Variants in CENPP observed in about 807,000 individuals in gnomAD.
CENPP encodes centromere protein P.
In CENPP, 24 loss-of-function variants were observed where a neutral mutation model predicts 35.6. The ratio of observed to expected loss-of-function variants is 0.67; its 90% CI spans 0.49 to 0.95. The LOEUF is 0.95. CENPP is among the 40% of genes least tolerant of loss of function. CENPP has a pLI of 0.00. For synonymous variants in CENPP, 120 were observed against 125.5 expected (o/e 0.96, Z 0.29); for missense variants, 332 against 345.3 (o/e 0.96, Z 0.31).
rs886641318 is a variant in CENPP, at chr9:92,619,763, C to T, written c.*6614C>T. On this transcript the variant is annotated 3_prime_UTR_variant, in exon 8 of 8. Transcript: ENST00000375587. ...GCACCTGGGCCAGCCCTCAGTGCCA[C>T]GGGGCTGCTCAGAGGCCAGCACCGC... The T allele has an allele frequency of 5.5e-5, 33 of 596,206 alleles. No individual in the cohort carries two copies. The highest frequency in any genetic ancestry group is 8.9e-4 in the Middle Eastern group (2 of 2,256). The allele number at this position is 596,206 out of a possible 1,614,324, so 36.9% of individuals were successfully genotyped here.
chr9:92,415,484 GAAAT>G, intron 5 of CENPP: 1 of 1,512,092 alleles, frequency 6.6e-7, no homozygotes, highest in South Asian at 1.3e-5. Flanking sequence ...ATCTCTGAAA[GAAAT>G]AAATTAAAAA....
At chr9:92,572,207 GT>G (rs1279905610) in intron 5 of CENPP, among the ~76,000 whole-genome samples, 3 of 152,138 alleles carry the variant, frequency 2.0e-5, no homozygotes, top group Non-Finnish European at 4.4e-5. Context: ...AATTTGGCAC[GT>G]TTTTGCAGTA....
chr9:92,516,581 A>T (rs1371460542), intron 5 of CENPP: 1 of 152,252 alleles, frequency 6.6e-6, no homozygotes, highest in Non-Finnish European at 1.5e-5. Context: ...AAAAGTTAGT[A>T]AAAGGAAACT....
intron 5 of CENPP, among the ~76,000 whole-genome samples, chr9:92,471,502 G>A (rs746983860): frequency 1.1e-4 from 16 of 151,720 alleles, no homozygotes; most frequent in Non-Finnish European, 1.8e-4. Context: ...GCCGGGTCTT[G>A]ATCATTTTAA....
At chr9:92,417,708 G>T in intron 5 of CENPP, 1 of 560,868 alleles carries the variant, frequency 1.8e-6, no homozygotes, top group Non-Finnish European at 2.9e-6. Context: ...AGAATGGGCA[G>T]TGCTCAAACC....
intron 5 of CENPP, among the ~76,000 whole-genome samples, chr9:92,568,331 C>T (rs1392250571): frequency 1.3e-5 from 2 of 152,052 alleles, no homozygotes; most frequent in Non-Finnish European, 2.9e-5. Flanking sequence ...TGAGAACATG[C>T]GGTGTTTGGT....
At chr9:92,505,564 A>T in intron 5 of CENPP, 2 of 1,606,000 alleles carry the variant, frequency 1.2e-6, no homozygotes, top group Non-Finnish European at 1.7e-6. Flanking sequence ...CTGCGGTATA[A>T]TTCTAAATTT....
At chr9:92,494,127 C>G in intron 5 of CENPP, 1 of 1,597,760 alleles carries the variant, frequency 6.3e-7, no homozygotes, top group Non-Finnish European at 8.5e-7. Context: ...GTCACTGTCT[C>G]TAGAACAGCA....
intron 5 of CENPP, among the ~76,000 whole-genome samples, chr9:92,518,147 G>T (rs1194575152): frequency 6.6e-6 from 1 of 152,148 alleles, no homozygotes; most frequent in Non-Finnish European, 1.5e-5. Context: ...TATCCATCAG[G>T]ATAGATTAAA....
At chr9:92,541,475 C>T (rs1310301576) in intron 5 of CENPP, among the ~76,000 whole-genome samples, 1 of 146,392 alleles carries the variant, frequency 6.8e-6, no homozygotes, top group East Asian at 2.2e-4. Context: ...ATTCCCCTGC[C>T]TCAGCCTCCC....
intron 4 of CENPP, among the ~76,000 whole-genome samples, chr9:92,372,883 A>G (rs1294759405): frequency 6.6e-6 from 1 of 152,012 alleles, no homozygotes; most frequent in Non-Finnish European, 1.5e-5. Context: ...TGCTCTTTAA[A>G]TATGACTTTA....
chr9:92,501,496 C>T (rs1846675307), intron 5 of CENPP, among the ~76,000 whole-genome samples: 1 of 152,184 alleles, frequency 6.6e-6, no homozygotes, highest in Non-Finnish European at 1.5e-5. Context: ...CCTTCCCCTA[C>T]ATTTTCATTC....
intron 5 of CENPP, among the ~76,000 whole-genome samples, chr9:92,396,094 CTTTCAGCACCGT>C (rs1842880779): frequency 6.6e-6 from 1 of 152,068 alleles, no homozygotes. Context: ...TTGTCTGGTT[CTTTCAGCACCGT>C]TTTTTAAAAG....
intron 5 of CENPP, among the ~76,000 whole-genome samples, chr9:92,453,204 T>C (rs931877077): frequency 6.6e-6 from 1 of 151,932 alleles, no homozygotes; most frequent in African/African-American, 2.4e-5. Flanking sequence ...GGTGTCAATT[T>C]TGGATCTTTC....
At chr9:92,492,777 T>C (rs112281696) in intron 5 of CENPP, among the ~76,000 whole-genome samples, 5 of 151,986 alleles carry the variant, frequency 3.3e-5, no homozygotes, top group Admixed American at 1.3e-4. Flanking sequence ...AGCCTCAGAG[T>C]CAGAAGATGC....
chr9:92,522,577 G>A, intron 5 of CENPP: 1 of 1,607,390 alleles, frequency 6.2e-7, no homozygotes. Context: ...TCTCTTACCT[G>A]GTAACACATT....
rs983039314 is a variant in CENPP at position 92,400,228 on chromosome 9, G to A, written c.564+20369G>A. 5.3e-5 allele frequency among the ~76,000 whole-genome samples: 8 copies of A among 152,188 alleles called. 1 individual carries two copies. Among genetic ancestry groups the A allele is most frequent in the Non-Finnish European group, 4.4e-5 (3 of 68,006 alleles). ...TACAATGGCACGACCTCGGCTCACC[G>A]CAACCTCCACCTCCCAGGTTCAAGC... is the stretch of plus-strand genomic sequence containing the variant. On this transcript the variant is annotated intron_variant, in intron 5 of 7. Transcript: ENST00000375587.
At chr9:92,550,695 C>T (rs1012748280) in intron 5 of CENPP, among the ~76,000 whole-genome samples, 1 of 152,014 alleles carries the variant, frequency 6.6e-6, no homozygotes, top group Non-Finnish European at 1.5e-5. Context: ...ATATGATATT[C>T]TAAATGTGTA....
At chr9:92,571,223 A>G (rs1271761483) in intron 5 of CENPP, among the ~76,000 whole-genome samples, 1 of 152,088 alleles carries the variant, frequency 6.6e-6, no homozygotes, top group Non-Finnish European at 1.5e-5. Flanking sequence ...ATTTAGTGCT[A>G]TAAATTTCGC....
Sources: allele counts gnomAD v4.1 joint callset (sites outside exome capture counted in the v4.1 genomes callset), GRCh38; gene constraint gnomAD v4.1.1; transcripts MANE v1.5; gene names NCBI Gene and HGNC (gene_info 2026-07-23, HGNC 2026-07-21).